Variants in ZNF418 observed in about 807,000 individuals in gnomAD.
ZNF418 encodes zinc finger protein 418.
ZNF418 carries 32 observed loss-of-function variants against 32.0 expected under a neutral mutation model. That is an observed-to-expected ratio of 1.00 (90% confidence interval 0.75 to 1.34). The LOEUF (loss-of-function observed/expected upper bound fraction) is 1.34. Among genes scored for constraint, ZNF418 ranks in the 40% most tolerant of loss-of-function variants. ZNF418 has a pLI of 0.00. For synonymous variants in ZNF418, 276 were observed against 270.7 expected, an observed-to-expected ratio of 1.02 and a Z score of -0.19; for missense variants, 804 against 812.5, an observed-to-expected ratio of 0.99 and a Z score of 0.13.
Position 57,927,531 on chromosome 19 carries a change from A to G in ZNF418, c.650T>C (p.Val217Ala), listed in dbSNP as rs776514790. The change falls in exon 4 of 6, where the codon GTA becomes GCA. Residue 217 changes from valine to alanine, a missense_variant. Physicochemically the swap from Val to Ala is moderately conservative, Grantham distance 64. Transcript: ENST00000396147. ...GGGAAGTCTCTGCTGTTGAACAAAT[A>G]CGTGTTTGGTGCTAGAATGTTTCAT... is the stretch of plus-strand genomic sequence containing the variant. ...ECMKHSSTKH[V>A]FVQQQRLPSR... The G allele has an allele frequency of 9.9e-6, 16 of 1,614,124 alleles. No individual in the cohort carries two copies. In the East Asian group the frequency reaches 3.3e-4, roughly 34 times the overall value.
chr19:57,932,667 A>G (rs2072532163), intron 2 of ZNF418: 30 of 1,400,390 alleles, frequency 2.1e-5, no homozygotes, highest in Non-Finnish European at 2.7e-5. Flanking sequence ...TGGAAAACAA[A>G]AGAAAAAAAT....
Position 57,921,987 on chromosome 19 carries a change from T to C in ZNF418, c.*1268A>G, listed in dbSNP as rs79264544. ...ATTTGAAAGAAGCATGCAGTTTATA[T>C]AGTATTTTCACTTATCACCCTCCGC... On this transcript the variant is annotated 3_prime_UTR_variant, in exon 6 of 6. Transcript: ENST00000396147. The C allele has an allele frequency of 0.054, 8,203 of 152,320 alleles. 320 individuals carry two copies. The highest frequency in any genetic ancestry group is 0.075 in the Non-Finnish European group (5,130 of 68,074). The allele number at this position is 152,320 out of a possible 1,614,324, so 9.4% of individuals were successfully genotyped here. A position where few individuals can be genotyped will look rare whatever the true frequency, so the allele number is the denominator to read the frequency against.
rs181797580 is a variant in ZNF418, at chr19:57,926,518, G to A, written c.1663C>T (p.Arg555Ter). 42 of 1,613,600 alleles carry A rather than the reference G, an allele frequency of 2.6e-5. No individual in the cohort carries two copies. The African/African-American group carries it at 2.8e-4, about 11-fold the overall frequency. ...TCTGCAGTGTGAGTTTTCTGATGTCGAAGGAGGGAAGAGCTCTGATGAAAT... is the reference window on the plus strand; with the variant it reads ...TCTGCAGTGTGAGTTTTCTGATGTCAAAGGAGGGAAGAGCTCTGATGAAAT... ...KSFHQSSSLL[R>*]HQKTHTAERP... The change falls in exon 4 of 6, where the codon CGA becomes TGA. Residue 555 changes from arginine to a stop codon, truncating the protein, a stop_gained. Coordinates refer to ENST00000396147, the MANE Select transcript of ZNF418 (RefSeq NM_133460.3). LOFTEE classifies it low-confidence loss of function (END_TRUNC).
At chr19:57,923,441 TACATATATACAC>T (rs2072073213) in intron 4 of ZNF418, among the ~76,000 whole-genome samples, 152 bp from the exon 5 acceptor site, 1 of 135,976 alleles carries the variant, frequency 7.4e-6, no homozygotes, top group Non-Finnish European at 1.7e-5. Flanking sequence ...TACACACACA[TACATATATACAC>T]ACATATATAT....
intron 4 of ZNF418, among the ~76,000 whole-genome samples, chr19:57,923,565 C>CAT (rs796798738): frequency 3.2e-5 from 4 of 123,222 alleles, no homozygotes; most frequent in Admixed American, 8.3e-5. Flanking sequence ...CACACACACA[C>CAT]ATATATACAC....
At chr19:57,931,735 T>C (rs1294357966) in intron 2 of ZNF418, among the ~76,000 whole-genome samples, 1 of 151,684 alleles carries the variant, frequency 6.6e-6, no homozygotes, top group Non-Finnish European at 1.5e-5. Flanking sequence ...CTTACGTATG[T>C]GCAACATCAA....
At position 57,927,643 on chromosome 19, in the gene ZNF418, T is replaced by G. The variant is rs1450734036; in HGVS notation, c.538A>C (p.Thr180Pro). The change falls in exon 4 of 6, where the codon ACT becomes CCT. Residue 180 changes from threonine (T) to proline (P), a missense_variant. Thr to Pro is a conservative substitution (Grantham distance 38, BLOSUM62 -1). Transcript: ENST00000396147. ...PSSGLLLQEA[T>P]HTGEKSNSKP... ...CTGTTTGACTTCTCCCCAGTGTGAG[T>G]GGCCTCCTGCAGCAGTAATCCTGAG... 1.2e-6 allele frequency: 2 copies of G among 1,613,988 alleles called. No homozygotes were observed. Among genetic ancestry groups the G allele is most frequent in the Admixed American group, 1.7e-5 (1 of 60,000 alleles).
intron 2 of ZNF418, chr19:57,932,511 C>T: frequency 6.5e-7 from 1 of 1,535,334 alleles, no homozygotes; most frequent in Non-Finnish European, 8.7e-7. Context: ...CACATCCCCA[C>T]AGAACCAGGT....
rs568056507 is a variant in ZNF418, at chr19:57,925,276, C to T, written c.*527+347G>A. On this transcript the variant is annotated intron_variant, in intron 4 of 5. Coordinates refer to ENST00000396147, the MANE Select transcript of ZNF418 (RefSeq NM_133460.3). ...GAGATCGAGACCATCCTGGCTAACA[C>T]GGAGAAACCCCATTTCTACTAAAAA... 6.6e-5 allele frequency among the ~76,000 whole-genome samples: 10 copies of T among 152,066 alleles called. No individual in the cohort carries two copies. In the South Asian group the frequency reaches 1.0e-3, roughly 16 times the overall value.
At position 57,927,732 on chromosome 19, in the gene ZNF418, C is replaced by T; in HGVS notation, c.449G>A (p.Cys150Tyr). The change falls in exon 4 of 6, where the codon TGT becomes TAT. Residue 150 changes from cysteine (C) to tyrosine (Y), a missense_variant. Physicochemically the swap from Cys to Tyr is radical, Grantham distance 194. This residue lies in a region of ZNF418 where 307 missense variants were observed against 304.9 expected (regional missense o/e 1.01). Coordinates refer to ENST00000396147, the MANE Select transcript of ZNF418 (RefSeq NM_133460.3). Reference sequence around the variant, plus strand: ...TGACTCCTCTGACACATGGAACTTACACCTCTTCACAAACAATGCTTCCTC... The same window carrying T: ...TGACTCCTCTGACACATGGAACTTATACCTCTTCACAAACAATGCTTCCTC... ...SVEEALFVKRCKFHVSEESSI... is the reference protein window; with the variant it reads ...SVEEALFVKRYKFHVSEESSI... 6.2e-7 allele frequency: 1 copy of T among 1,614,244 alleles called. No individual in the cohort carries two copies. Among genetic ancestry groups the T allele is most frequent in the East Asian group, 2.2e-5 (1 of 44,884 alleles).
chr19:57,929,973 C>T (rs553710196), intron 3 of ZNF418, among the ~76,000 whole-genome samples: 2 of 152,280 alleles, frequency 1.3e-5, no homozygotes, highest in African/African-American at 2.4e-5. Context: ...CGTGAGCCAC[C>T]GCACCCGGCC....
intron 1 of ZNF418, chr19:57,934,232 T>A: frequency 9.6e-7 from 1 of 1,046,560 alleles, no homozygotes; most frequent in East Asian, 8.3e-5. Flanking sequence ...CCTCTGTGGG[T>A]TCCTTTTTTT....
At chr19:57,929,072 C>A (rs923180496) in intron 3 of ZNF418, among the ~76,000 whole-genome samples, 5 of 152,098 alleles carry the variant, frequency 3.3e-5, no homozygotes, top group African/African-American at 1.2e-4. Flanking sequence ...CAGTATCGGA[C>A]AGCACTCTAG....
At chr19:57,932,453 T>G in intron 2 of ZNF418, 1 of 1,535,454 alleles carries the variant, frequency 6.5e-7, no homozygotes, top group Non-Finnish European at 8.7e-7. Flanking sequence ...TGGCTCCCAA[T>G]AGCAATGCAG....
At chr19:57,925,277 G>A (rs145122332) in intron 4 of ZNF418, among the ~76,000 whole-genome samples, 20 of 152,132 alleles carry the variant, frequency 1.3e-4, no homozygotes, top group South Asian at 6.2e-4. Flanking sequence ...TGGCTAACAC[G>A]GAGAAACCCC....
intron 2 of ZNF418, chr19:57,932,629 C>A: frequency 1.4e-6 from 2 of 1,458,860 alleles, no homozygotes; most frequent in Non-Finnish European, 1.8e-6. Context: ...ATCCCACTCC[C>A]TTGTTATGGA....
intron 2 of ZNF418, among the ~76,000 whole-genome samples, chr19:57,931,989 C>A (rs1430041003): frequency 1.3e-5 from 2 of 152,214 alleles, no homozygotes; most frequent in African/African-American, 4.8e-5. Context: ...ATGCCATCCA[C>A]AGCAATTTCA....
intron 2 of ZNF418, chr19:57,932,358 C>A (rs909281636): frequency 7.0e-7 from 1 of 1,432,256 alleles, no homozygotes; most frequent in African/African-American, 1.4e-5. Context: ...CTTTCATTTT[C>A]GGCCTTATGC....
rs1377150747 is a variant in ZNF418, at chr19:57,935,226, G to A, written c.-146C>T. ...ACGCGGGGAAAGCACTGCCGGGAGC[G>A]GCGGGCGCCGTTACGGGGCCTAAGA... is the stretch of plus-strand genomic sequence containing the variant. On this transcript the variant is annotated 5_prime_UTR_variant, in exon 1 of 6. Transcript: ENST00000396147. 3 of 1,236,628 alleles carry A rather than the reference G, an allele frequency of 2.4e-6. No homozygotes were observed. The highest frequency in any genetic ancestry group is 3.2e-5 in the African/African-American group (2 of 63,312). 76.6% of individuals were successfully genotyped at this position (1,236,628 alleles called of 1,614,324 possible).
Sources: gnomAD v4.1 joint callset for allele counts (sites outside exome capture counted in the v4.1 genomes callset) on GRCh38, gnomAD v4.1.1 for gene constraint, gnomAD v4.1.1 regional missense constraint, MANE v1.5 for transcripts, NCBI Gene and HGNC (gene_info 2026-07-23, HGNC 2026-07-21) for gene names.